Variants in TCF7L1 observed in about 807,000 individuals in gnomAD.
TCF7L1 encodes transcription factor 7-like 1.
TCF7L1 carries 18 observed loss-of-function variants against 63.7 expected under a neutral mutation model. The ratio of observed to expected loss-of-function variants is 0.28; its 90% CI spans 0.20 to 0.42. The LOEUF is 0.42. Among genes scored for constraint, TCF7L1 ranks in the 10% least tolerant of loss-of-function variants. The probability of loss-of-function intolerance (pLI) is 1.00; values close to 1 mark genes in which losing one functional copy is unlikely to be tolerated. For missense variants in TCF7L1, 654 were observed against 779.3 expected, an observed-to-expected ratio of 0.84 and a Z score of 1.91; for synonymous variants, 355 against 340.9, an observed-to-expected ratio of 1.04 and a Z score of -0.46.
In TCF7L1 at chr2:85,273,830, A is replaced by G. The variant is rs1009569834; in HGVS notation, c.442-9665A>G. 7.2e-5 allele frequency among the ~76,000 whole-genome samples: 11 copies of G among 152,144 alleles called. No homozygotes were observed. The East Asian group carries it at 1.5e-3, about 21-fold the overall frequency. ...TGGGGATGGCTATGGGACCAGCCCT[A>G]CTATGCCGGCGAATGGAGTGGGGGC... On this transcript the variant is annotated intron_variant, in intron 3 of 11. Coordinates refer to ENST00000282111, the MANE Select transcript of TCF7L1 (RefSeq NM_031283.3).
chr2:85,249,434 T>C (rs1558646014), intron 3 of TCF7L1, among the ~76,000 whole-genome samples: 1 of 152,240 alleles, frequency 6.6e-6, no homozygotes, highest in Non-Finnish European at 1.5e-5. Flanking sequence ...TCTGAGGATA[T>C]GTTTGTTCTT....
intron 11 of TCF7L1, among the ~76,000 whole-genome samples, chr2:85,308,532 GCCCTC>G (rs1682195651): frequency 1.3e-5 from 1 of 74,198 alleles, no homozygotes; most frequent in Non-Finnish European, 2.5e-5. Flanking sequence ...TTCTCCTTCC[GCCCTC>G]CCTTTCTCCT....
At chr2:85,193,131 A>C (rs1409677118) in intron 3 of TCF7L1, among the ~76,000 whole-genome samples, 2 of 152,120 alleles carry the variant, frequency 1.3e-5, no homozygotes, top group Admixed American at 1.3e-4. Context: ...TGTGCTTGAT[A>C]TTTATGTAGA....
Position 85,134,698 on chromosome 2 carries a change from TC to T in TCF7L1, c.441+250del, listed in dbSNP as rs1377615614. Among the ~76,000 whole-genome samples, 2 of 152,236 alleles carry T rather than the reference TC, an allele frequency of 1.3e-5. No individual in the cohort carries two copies. The highest frequency in any genetic ancestry group is 4.8e-5 in the African/African-American group (2 of 41,480). The stretch of plus-strand genomic sequence containing the variant: ...GTTTTGGAGTCCACCTCTGGGATCT[TC>T]CTTGGCCTCCAGAATTCTTCGCCTG... On this transcript the variant is annotated intron_variant, in intron 3 of 11. Coordinates refer to ENST00000282111, the MANE Select transcript of TCF7L1 (RefSeq NM_031283.3). The surrounding 1 kb of genome is among the most constrained non-coding windows in gnomAD (Gnocchi z 5.0).
At chr2:85,144,719 CTGTGTG>C (rs772295408) in intron 3 of TCF7L1, among the ~76,000 whole-genome samples, 8 of 140,448 alleles carry the variant, frequency 5.7e-5, no homozygotes, top group Non-Finnish European at 9.2e-5. Context: ...CTCTCTCTCT[CTGTGTG>C]TGTGTGTGTG....
chr2:85,249,683 G>T (rs775315460), intron 3 of TCF7L1, among the ~76,000 whole-genome samples: 5 of 152,166 alleles, frequency 3.3e-5, no homozygotes, highest in Admixed American at 2.0e-4. Context: ...AAACTCATTT[G>T]CTCTTGAGTC....
At position 85,172,783 on chromosome 2, in the gene TCF7L1, C is replaced by G. The variant is rs142751610; in HGVS notation, c.441+38333C>G. Among the ~76,000 whole-genome samples the G allele has an allele frequency of 7.3e-3, 1,110 of 152,224 alleles. 17 individuals carry two copies. Among genetic ancestry groups the G allele is most frequent in the African/African-American group, 0.025 (1,050 of 41,552 alleles). On this transcript the variant is annotated intron_variant, in intron 3 of 11. Transcript: ENST00000282111. Reference sequence around the variant, plus strand: ...AGGCTTGCTCCCCACTTCTTCCCTCCTTTAGTTTAACCGTCACCTCCTCAG... The same window carrying G: ...AGGCTTGCTCCCCACTTCTTCCCTCGTTTAGTTTAACCGTCACCTCCTCAG...
intron 3 of TCF7L1, among the ~76,000 whole-genome samples, chr2:85,213,918 A>G (rs1332945327): frequency 6.6e-6 from 1 of 152,204 alleles, no homozygotes; most frequent in Non-Finnish European, 1.5e-5. Flanking sequence ...TTTCTGAATT[A>G]AAGGCTGGAT....
At chr2:85,158,834 T>C (rs1439359723) in intron 3 of TCF7L1, among the ~76,000 whole-genome samples, 1 of 152,238 alleles carries the variant, frequency 6.6e-6, no homozygotes, top group Non-Finnish European at 1.5e-5. Context: ...ACAGCTCACC[T>C]ACTGAAGGGC....
chr2:85,214,011 C>A (rs1027444089), intron 3 of TCF7L1, among the ~76,000 whole-genome samples: 1 of 152,206 alleles, frequency 6.6e-6, no homozygotes, highest in Non-Finnish European at 1.5e-5. Context: ...CACCCCGGAA[C>A]GCCCCTGACT....
At chr2:85,227,992 CAA>C (rs34769307) in intron 3 of TCF7L1, among the ~76,000 whole-genome samples, 3,375 of 79,476 alleles carry the variant, frequency 0.042, 51 homozygotes, top group Non-Finnish European at 0.059. Context: ...ACCCTGTCTC[CAA>C]AAAAAAAAAA....
At chr2:85,212,786 T>C (rs1400365544) in intron 3 of TCF7L1, among the ~76,000 whole-genome samples, 1 of 152,056 alleles carries the variant, frequency 6.6e-6, no homozygotes, top group Non-Finnish European at 1.5e-5. Context: ...CACCCCCAGG[T>C]TGAGCATGCA....
intron 3 of TCF7L1, among the ~76,000 whole-genome samples, chr2:85,270,093 T>C (rs890872846): frequency 6.6e-6 from 1 of 152,224 alleles, no homozygotes; most frequent in African/African-American, 2.4e-5. Context: ...TAAGAGACCC[T>C]TGAAGCTCTG....
chr2:85,208,672 G>T (rs1679471431), intron 3 of TCF7L1, among the ~76,000 whole-genome samples: 1 of 152,180 alleles, frequency 6.6e-6, no homozygotes, highest in Admixed American at 6.5e-5. Flanking sequence ...AATACACCAG[G>T]TTTAGTGGAA....
intron 3 of TCF7L1, among the ~76,000 whole-genome samples, chr2:85,199,215 A>G (rs1383371748): frequency 6.6e-6 from 1 of 152,166 alleles, no homozygotes; most frequent in Non-Finnish European, 1.5e-5. Context: ...AGAAACTGTA[A>G]TTCAGTCCCT....
In TCF7L1 at chr2:85,229,020, CAA is replaced by C. The variant is rs1182542916; in HGVS notation, c.442-54457_442-54456del. On this transcript the variant is annotated intron_variant, in intron 3 of 11. Coordinates refer to ENST00000282111, the MANE Select transcript of TCF7L1 (RefSeq NM_031283.3). The stretch of plus-strand genomic sequence containing the variant: ...TGGGCGACAGAGAGAGACTCTGTCT[CAA>C]AAAAAAAAAAAAAAAAAGAAAGGAA... Among the ~76,000 whole-genome samples the C allele has an allele frequency of 5.9e-3, 336 of 57,338 alleles. 6 individuals are homozygous for C. Among genetic ancestry groups the C allele is most frequent in the African/African-American group, 0.016 (305 of 18,678 alleles). 37.6% of individuals were successfully genotyped at this position (57,338 alleles called of 152,430 possible). A position where few individuals can be genotyped will look rare whatever the true frequency, so the allele number is the denominator to read the frequency against.
intron 3 of TCF7L1, among the ~76,000 whole-genome samples, chr2:85,282,778 CAG>C (rs144727177): frequency 9.4e-5 from 10 of 106,002 alleles, no homozygotes; most frequent in African/African-American, 1.5e-4. Flanking sequence ...TGTGCCATGC[CAG>C]AGAGAGAGAG....
chr2:85,193,227 G>T (rs1679079075), intron 3 of TCF7L1, among the ~76,000 whole-genome samples: 1 of 152,144 alleles, frequency 6.6e-6, no homozygotes, highest in Non-Finnish European at 1.5e-5. Flanking sequence ...CAAGTGACTT[G>T]TCCAATCTGC....
At chr2:85,233,074 G>A (rs1680119502) in intron 3 of TCF7L1, 2 of 152,182 alleles carry the variant, frequency 1.3e-5, no homozygotes, top group Admixed American at 6.5e-5. Context: ...TGGGACTACA[G>A]GTATGTGCCA....
Sources: gnomAD v4.1 joint callset for allele counts (sites outside exome capture counted in the v4.1 genomes callset) on GRCh38, gnomAD v4.1.1 for gene constraint, Gnocchi (gnomAD v3.1) non-coding constraint, MANE v1.5 for transcripts, NCBI Gene and HGNC (gene_info 2026-07-23, HGNC 2026-07-21) for gene names.